PCDH7: variants seen among roughly 807,000 people sequenced by gnomAD.
PCDH7 encodes protocadherin-7.
In PCDH7, 17 loss-of-function variants were observed where a neutral mutation model predicts 58.9. That is an observed-to-expected ratio of 0.29 (90% CI 0.20 to 0.43). The LOEUF (loss-of-function observed/expected upper bound fraction) is 0.43, where lower values mean the gene tolerates loss of function less well. PCDH7 is among the 20% of genes least tolerant of loss of function. The pLI is 1.00. For synonymous variants in PCDH7, 664 were observed against 616.4 expected, an observed-to-expected ratio of 1.08 and a Z score of -1.14; for missense variants, 1,274 against 1,441.0, an observed-to-expected ratio of 0.88 and a Z score of 1.88.
intron 1 of PCDH7, among the ~76,000 whole-genome samples, chr4:30,820,011 T>C (rs955481931): frequency 1.3e-5 from 2 of 152,058 alleles, no homozygotes; most frequent in Admixed American, 6.6e-5. Flanking sequence ...ACCAGAACAA[T>C]TAAGAGAGTA....
chr4:30,820,435 T>C (rs967661728), intron 1 of PCDH7, among the ~76,000 whole-genome samples: 2 of 152,162 alleles, frequency 1.3e-5, no homozygotes, highest in African/African-American at 4.8e-5. Context: ...AAGAGTCTGA[T>C]TGGACAAGGA....
intron 1 of PCDH7, among the ~76,000 whole-genome samples, chr4:30,750,394 A>G (rs1718353269): frequency 6.6e-6 from 1 of 152,152 alleles, no homozygotes; most frequent in African/African-American, 2.4e-5. Flanking sequence ...CTGGGCATAG[A>G]ACATGATCAC....
intron 3 of PCDH7, among the ~76,000 whole-genome samples, chr4:31,087,142 T>C (rs1712543801): frequency 6.6e-6 from 1 of 152,118 alleles, no homozygotes; most frequent in Non-Finnish European, 1.5e-5. Context: ...TGGTTCACGA[T>C]GGTGGTAGTA....
At chr4:31,139,144 A>T (rs73812541) in intron 3 of PCDH7, among the ~76,000 whole-genome samples, 31 of 152,264 alleles carry the variant, frequency 2.0e-4, no homozygotes, top group African/African-American at 7.0e-4. Context: ...ACAGGATTTG[A>T]TGGATACCAT....
chr4:30,727,083 T>C (rs1168027519), intron 1 of PCDH7, among the ~76,000 whole-genome samples: 1 of 151,964 alleles, frequency 6.6e-6, no homozygotes, highest in Non-Finnish European at 1.5e-5. Flanking sequence ...TTTTGATAAA[T>C]GGATTTATCT....
intron 1 of PCDH7, among the ~76,000 whole-genome samples, chr4:30,828,664 G>T (rs534845092): frequency 6.6e-6 from 1 of 152,016 alleles, no homozygotes; most frequent in African/African-American, 2.4e-5. Context: ...CTATGGTTCC[G>T]AGAGCATGGT....
intron 3 of PCDH7, among the ~76,000 whole-genome samples, chr4:31,136,932 C>T (rs1229562258): frequency 6.6e-6 from 1 of 152,102 alleles, no homozygotes; most frequent in African/African-American, 2.4e-5. Context: ...TCAGCCCTAT[C>T]ATATAAAATA....
At chr4:30,828,112 T>C (rs1729325107) in intron 1 of PCDH7, among the ~76,000 whole-genome samples, 1 of 152,074 alleles carries the variant, frequency 6.6e-6, no homozygotes. Flanking sequence ...TCATAAGCAC[T>C]GTATAAATAA....
At chr4:30,881,992 T>C (rs570936588) in intron 1 of PCDH7, among the ~76,000 whole-genome samples, 4 of 152,094 alleles carry the variant, frequency 2.6e-5, no homozygotes, top group Non-Finnish European at 5.9e-5. Context: ...GTGTGAAACA[T>C]GAGTCTTATT....
At chr4:31,067,122 T>C (rs1324241992) in intron 3 of PCDH7, among the ~76,000 whole-genome samples, 2 of 151,920 alleles carry the variant, frequency 1.3e-5, no homozygotes, top group South Asian at 2.1e-4. Flanking sequence ...ATCCATGCTT[T>C]CCAAGTGTAC....
intron 1 of PCDH7, among the ~76,000 whole-genome samples, chr4:30,880,621 T>C (rs1235017111): frequency 6.6e-6 from 1 of 152,210 alleles, no homozygotes; most frequent in East Asian, 1.9e-4. Context: ...TTCTATCTTC[T>C]TGCCTATTTA....
At chr4:30,963,836 G>A (rs1033086858) in intron 3 of PCDH7, among the ~76,000 whole-genome samples, 1 of 152,122 alleles carries the variant, frequency 6.6e-6, no homozygotes, top group African/African-American at 2.4e-5. Context: ...CCAACTCTAA[G>A]AACAAGACTG....
At chr4:30,808,837 A>G (rs1726601400) in intron 1 of PCDH7, among the ~76,000 whole-genome samples, 1 of 152,144 alleles carries the variant, frequency 6.6e-6, no homozygotes, top group Non-Finnish European at 1.5e-5. Context: ...ATTGTTTTGC[A>G]AATGATACCA....
intron 1 of PCDH7, among the ~76,000 whole-genome samples, chr4:30,760,086 G>A (rs1300696613): frequency 6.6e-6 from 1 of 152,124 alleles, no homozygotes; most frequent in Non-Finnish European, 1.5e-5. Flanking sequence ...AAGAAGTACG[G>A]TAGTTAAGCT....
intron 1 of PCDH7, among the ~76,000 whole-genome samples, chr4:30,799,857 CTTTT>C (rs759901691): frequency 6.9e-6 from 1 of 144,382 alleles, no homozygotes; most frequent in Non-Finnish European, 1.5e-5. Flanking sequence ...ATGAATATCA[CTTTT>C]TTTTTTTTTG....
chr4:31,124,284 AT>A (rs1457530436), intron 3 of PCDH7, among the ~76,000 whole-genome samples: 6 of 152,300 alleles, frequency 3.9e-5, no homozygotes, highest in Non-Finnish European at 1.5e-5. Context: ...TAAGCACTCA[AT>A]GTGCATTTTC....
At chr4:31,122,625 T>C (rs1045749361) in intron 3 of PCDH7, among the ~76,000 whole-genome samples, 1 of 152,124 alleles carries the variant, frequency 6.6e-6, no homozygotes, top group East Asian at 1.9e-4. Flanking sequence ...TTTCAAATGC[T>C]GATATACTTG....
intron 3 of PCDH7, among the ~76,000 whole-genome samples, chr4:31,117,085 A>G (rs1042106861): frequency 1.3e-5 from 2 of 152,102 alleles, no homozygotes; most frequent in African/African-American, 4.8e-5. Flanking sequence ...ACAGGCTTTT[A>G]CCATGTTGGT....
At chr4:31,117,040 T>C (rs994266861) in intron 3 of PCDH7, among the ~76,000 whole-genome samples, 4 of 152,134 alleles carry the variant, frequency 2.6e-5, no homozygotes, top group South Asian at 2.1e-4. Flanking sequence ...TAGTATTTTG[T>C]ATTTTATCCA....
Sources: allele counts gnomAD v4.1 joint callset (sites outside exome capture counted in the v4.1 genomes callset), GRCh38; gene constraint gnomAD v4.1.1; transcripts MANE v1.5; gene names NCBI Gene and HGNC (gene_info 2026-07-23, HGNC 2026-07-21).